The following PSMG4 variants were observed in gnomAD, a reference collection of about 807,000 sequenced individuals.
The protein encoded by PSMG4 is proteasome (prosome, macropain) assembly chaperone 4.
A neutral mutation model predicts 11.0 loss-of-function variants in PSMG4; 10 were observed. That is an observed-to-expected ratio of 0.91 (90% CI 0.56 to 1.54). The LOEUF is 1.54. Ranked by LOEUF, PSMG4 falls within the 40% of genes most tolerant of loss-of-function variation. PSMG4 has a pLI of 0.00. For synonymous variants in PSMG4, 95 were observed against 71.3 expected (o/e 1.33, Z -1.68); for missense variants, 198 against 160.9 (o/e 1.23, Z -1.25).
At chr6:3,257,638 A>G (rs1041365368), upstream of PSMG4, among the ~76,000 whole-genome samples, 1 of 152,204 alleles carries the variant, frequency 6.6e-6, no homozygotes, top group African/African-American at 2.4e-5. Flanking sequence ...AAGAAGCTGG[A>G]CAAAAAACAG....
At chr6:3,254,735 C>T (rs560094581), upstream of PSMG4, among the ~76,000 whole-genome samples, 33 of 152,214 alleles carry the variant, frequency 2.2e-4, no homozygotes, top group Middle Eastern at 3.4e-3. Flanking sequence ...AAACAAACTC[C>T]CCCTGTGCCT....
At chr6:3,254,608 G>T (rs1757677041), upstream of PSMG4, among the ~76,000 whole-genome samples, 1 of 152,164 alleles carries the variant, frequency 6.6e-6, no homozygotes, top group African/African-American at 2.4e-5. Context: ...AATTCCAGTA[G>T]GCGTAGCTTT....
chr6:3,255,080 T>A, upstream of PSMG4: 2 of 1,551,012 alleles, frequency 1.3e-6, no homozygotes, highest in Non-Finnish European at 1.7e-6. Flanking sequence ...ATGCTTCTAT[T>A]CCTAAGAAGT....
intron 1 of PSMG4, among the ~76,000 whole-genome samples, chr6:3,261,782 G>A (rs559766402): frequency 1.2e-4 from 18 of 152,238 alleles, no homozygotes; most frequent in East Asian, 5.8e-4. Context: ...CCTGTGACCC[G>A]TGGGCCAGCC....
intron 1 of PSMG4, among the ~76,000 whole-genome samples, chr6:3,259,674 C>T (rs948717395): frequency 3.9e-5 from 6 of 152,242 alleles, no homozygotes; most frequent in South Asian, 2.1e-4. Flanking sequence ...ATCTTCCTGG[C>T]TGTGCGTTCA....
chr6:3,258,089 T>A (rs1757826989), upstream of PSMG4, among the ~76,000 whole-genome samples: 1 of 152,208 alleles, frequency 6.6e-6, no homozygotes, highest in Non-Finnish European at 1.5e-5. Flanking sequence ...TTTTACCACC[T>A]TCTCTCTTAA....
At chr6:3,254,834 C>A (rs1194534728), upstream of PSMG4, among the ~76,000 whole-genome samples, 1 of 152,100 alleles carries the variant, frequency 6.6e-6, no homozygotes, top group Non-Finnish European at 1.5e-5. Context: ...ACAGTGGGAC[C>A]TTAGAAAACA....
At chr6:3,259,241 C>CG in intron 1 of PSMG4, 45 bp downstream of exon 1, 1 of 1,079,060 alleles carries the variant, frequency 9.3e-7, no homozygotes, top group Non-Finnish European at 1.1e-6. Flanking sequence ...GGCGGGGGCG[C>CG]GGGGGCGCCG....
upstream of PSMG4, chr6:3,255,196 A>C (rs1292891848): frequency 1.9e-6 from 3 of 1,550,316 alleles, no homozygotes; most frequent in Non-Finnish European, 2.6e-6. Context: ...TGGAAGTAGG[A>C]TGTTTGGTGG....
At position 3,268,020 on chromosome 6, in the gene PSMG4, CAATTAG is replaced by C. The variant is rs2127267218; in HGVS notation, c.*314_*319del. The C allele has an allele frequency of 8.9e-6, 2 of 224,836 alleles. No homozygotes were observed. Among genetic ancestry groups the C allele is most frequent in the East Asian group, 9.7e-5 (1 of 10,282 alleles). 13.9% of individuals were successfully genotyped at this position (224,836 alleles called of 1,614,324 possible). A position where few individuals can be genotyped will look rare whatever the true frequency, so the allele number is the denominator to read the frequency against. On this transcript the variant is annotated 3_prime_UTR_variant, in exon 3 of 3. Transcript: ENST00000438998. ...CAGACATGACTGTGACGTGCATCCT[CAATTAG>C]AATTAAAGTGATGTATAAATATGCT... is the stretch of plus-strand genomic sequence containing the variant.
intron 2 of PSMG4, 113 bp from the exon 3 acceptor site, chr6:3,267,478 C>A: frequency 7.9e-7 from 1 of 1,268,382 alleles, no homozygotes; most frequent in Non-Finnish European, 1.1e-6. Context: ...GCTTTCTTTT[C>A]TCCCTACAAC....
At chr6:3,258,109 G>A (rs1253074683), upstream of PSMG4, among the ~76,000 whole-genome samples, 4 of 152,086 alleles carry the variant, frequency 2.6e-5, no homozygotes. Flanking sequence ...ACCCATCAAG[G>A]CTTCCTTTTC....
At chr6:3,263,874 C>A (rs921069541) in intron 2 of PSMG4, 115 bp downstream of exon 2, 1 of 1,473,340 alleles carries the variant, frequency 6.8e-7, no homozygotes, top group South Asian at 1.4e-5. Context: ...ACCATCACCT[C>A]ATTGCTGCTG....
At chr6:3,255,034 T>C (rs56813543), upstream of PSMG4, 1,014 of 1,549,676 alleles carry the variant, frequency 6.5e-4, 13 homozygotes, top group African/African-American at 0.012. Flanking sequence ...AATGGCGCTT[T>C]CTGATTCTCT....
At chr6:3,255,844 C>T (rs529238271), upstream of PSMG4, among the ~76,000 whole-genome samples, 3 of 148,528 alleles carry the variant, frequency 2.0e-5, no homozygotes, top group South Asian at 2.2e-4. Context: ...AAATGAATGT[C>T]GTCCATCTCA....
At chr6:3,255,918 C>A (rs1380753415), upstream of PSMG4, among the ~76,000 whole-genome samples, 11 of 152,340 alleles carry the variant, frequency 7.2e-5, no homozygotes, top group Admixed American at 1.3e-4. Flanking sequence ...TTTGCTGCAT[C>A]CTTGGTCACG....
chr6:3,260,291 A>ATATATATATATATATATTT, intron 1 of PSMG4, among the ~76,000 whole-genome samples: 1 of 70,842 alleles, frequency 1.4e-5, no homozygotes, highest in African/African-American at 5.5e-5. Context: ...ATATATATAT[A>ATATATATATATATATATTT]TTTTTTTTTT....
upstream of PSMG4, chr6:3,255,049 A>C (rs1265149791): frequency 6.4e-6 from 10 of 1,550,526 alleles, no homozygotes; most frequent in Non-Finnish European, 7.8e-6. Context: ...TTCTCTGGAC[A>C]GGAACAAACA....
At chr6:3,264,560 A>AG in intron 2 of PSMG4, 2 of 693,824 alleles carry the variant, frequency 2.9e-6, no homozygotes, top group Non-Finnish European at 4.4e-6. Flanking sequence ...GGGGGAAGGC[A>AG]GGGCAGGGTG....
Sources: gnomAD v4.1 joint callset for allele counts (sites outside exome capture counted in the v4.1 genomes callset) on GRCh38, gnomAD v4.1.1 for gene constraint, MANE v1.5 for transcripts, NCBI Gene and HGNC (gene_info 2026-07-23, HGNC 2026-07-21) for gene names.